VDAC1: variants seen among roughly 807,000 people sequenced by gnomAD.
VDAC1 encodes non-selective voltage-gated ion channel VDAC1.
In VDAC1, 10 loss-of-function variants were observed where a neutral mutation model predicts 34.7. The observed-to-expected ratio is 0.29, with a 90% CI of 0.18 to 0.49. The LOEUF (loss-of-function observed/expected upper bound fraction) is 0.49. VDAC1 is among the 20% of genes least tolerant of loss of function. The pLI, the probability that VDAC1 is intolerant of heterozygous loss-of-function variation, is 0.99. For missense variants in VDAC1, 230 were observed against 347.9 expected (o/e 0.66, Z 2.69); for synonymous variants, 130 against 136.0 (o/e 0.96, Z 0.30).
chr5:134,008,804 G>T (rs943636906), upstream of VDAC1, among the ~76,000 whole-genome samples: 1 of 152,198 alleles, frequency 6.6e-6, no homozygotes, highest in African/African-American at 2.4e-5. Context: ...CTTGTAACCA[G>T]CATCAATTAA....
chr5:134,019,726 A>G, the VDAC1 span, among the ~76,000 whole-genome samples: 2 of 152,138 alleles, frequency 1.3e-5, no homozygotes, highest in Non-Finnish European at 2.9e-5. Flanking sequence ...CCCAACCCCC[A>G]TCACATACGC....
At chr5:134,009,857 T>G (rs1043055038), upstream of VDAC1, among the ~76,000 whole-genome samples, 1 of 151,806 alleles carries the variant, frequency 6.6e-6, no homozygotes, top group Non-Finnish European at 1.5e-5. Context: ...ATTTTTGTAT[T>G]TTTAGTAGAG....
At chr5:133,980,653 A>AAAC (rs1554090879) in intron 6 of VDAC1, 76 bp downstream of exon 6, 968 of 952,568 alleles carry the variant, frequency 1.0e-3, no homozygotes, top group Non-Finnish European at 1.2e-3. Flanking sequence ...AAAAAAAAAA[A>AAAC]CAGTGAAAAG....
At chr5:134,049,663 T>C in the VDAC1 span, among the ~76,000 whole-genome samples, 1 of 152,142 alleles carries the variant, frequency 6.6e-6, no homozygotes, top group African/African-American at 2.4e-5. Flanking sequence ...CACTGCAACC[T>C]CCATCTCTCA....
chr5:134,061,087 A>G, the VDAC1 span, among the ~76,000 whole-genome samples: 2 of 147,670 alleles, frequency 1.4e-5, no homozygotes, highest in Non-Finnish European at 3.0e-5. Flanking sequence ...TTGGTCTCGA[A>G]CTCCTGACCT....
the VDAC1 span, among the ~76,000 whole-genome samples, chr5:134,077,276 C>CAAAAA: frequency 9.9e-6 from 1 of 101,154 alleles, no homozygotes; most frequent in African/African-American, 3.6e-5. Flanking sequence ...GACTCCATCT[C>CAAAAA]AAAAAAAAAA....
At chr5:134,089,854 T>C in the VDAC1 span, among the ~76,000 whole-genome samples, 1 of 152,054 alleles carries the variant, frequency 6.6e-6, no homozygotes, top group Non-Finnish European at 1.5e-5. Context: ...TAGCCAGGCA[T>C]GGTGGCGCAT....
chr5:134,055,755 TTC>T, the VDAC1 span, among the ~76,000 whole-genome samples: 1 of 107,962 alleles, frequency 9.3e-6, no homozygotes, highest in South Asian at 3.1e-4. Context: ...TTGTCTTTTT[TTC>T]TTTAAAAGTA....
At chr5:133,999,446 C>G (rs903937843) in intron 1 of VDAC1, among the ~76,000 whole-genome samples, 24 of 152,222 alleles carry the variant, frequency 1.6e-4, no homozygotes, top group African/African-American at 5.8e-4. Flanking sequence ...CCCTCCAGAT[C>G]CATTCTCCTC....
At chr5:134,065,337 A>ATTTTTTTT in the VDAC1 span, among the ~76,000 whole-genome samples, 2 of 101,386 alleles carry the variant, frequency 2.0e-5, no homozygotes, top group Non-Finnish European at 4.0e-5. Context: ...TTTAATTTTA[A>ATTTTTTTT]TTTTTTTTTT....
the VDAC1 span, among the ~76,000 whole-genome samples, chr5:134,011,117 G>A: frequency 1.3e-5 from 2 of 152,032 alleles, no homozygotes; most frequent in African/African-American, 4.8e-5. Flanking sequence ...TTGGCCACTT[G>A]TATGTCTTCT....
the VDAC1 span, among the ~76,000 whole-genome samples, chr5:134,056,481 C>T: frequency 6.9e-6 from 1 of 145,382 alleles, no homozygotes; most frequent in Non-Finnish European, 1.5e-5. Flanking sequence ...TCTCTGTTGC[C>T]CAGGTTGGAG....
At chr5:134,036,446 C>G in the VDAC1 span, among the ~76,000 whole-genome samples, 1 of 152,042 alleles carries the variant, frequency 6.6e-6, no homozygotes, top group Admixed American at 6.6e-5. Context: ...GGGAACTGTC[C>G]CAGATTGGAA....
At chr5:134,050,749 C>T in the VDAC1 span, among the ~76,000 whole-genome samples, 15 of 152,284 alleles carry the variant, frequency 9.9e-5, no homozygotes, top group South Asian at 2.3e-3. Context: ...ATATTAAAAA[C>T]ATGTCAAATT....
chr5:133,988,784 A>G (rs919443342), intron 5 of VDAC1: 14 of 152,086 alleles, frequency 9.2e-5, no homozygotes, highest in Admixed American at 9.2e-4. Flanking sequence ...AAAAAAAAAA[A>G]AACCAAAAAA....
intron 1 of VDAC1, among the ~76,000 whole-genome samples, chr5:134,001,359 C>G (rs1302568657): frequency 6.6e-6 from 1 of 152,138 alleles, no homozygotes; most frequent in African/African-American, 2.4e-5. Flanking sequence ...GTTGAGCCCC[C>G]AGAAAGGTGC....
At chr5:134,066,192 T>C in the VDAC1 span, among the ~76,000 whole-genome samples, 1 of 151,748 alleles carries the variant, frequency 6.6e-6, no homozygotes, top group Non-Finnish European at 1.5e-5. Flanking sequence ...TTAGTAGAGA[T>C]GGGGTTTCAC....
chr5:134,055,588 G>GTTTTTGGTTTT, the VDAC1 span, among the ~76,000 whole-genome samples: 1 of 59,626 alleles, frequency 1.7e-5, no homozygotes, highest in African/African-American at 7.2e-5. Context: ...CCCCGCTAAT[G>GTTTTTGGTTTT]TTTTTTTTTT....
At chr5:134,039,365 G>A in the VDAC1 span, among the ~76,000 whole-genome samples, 1 of 152,150 alleles carries the variant, frequency 6.6e-6, no homozygotes, top group Non-Finnish European at 1.5e-5. Context: ...GTCTCCCTCT[G>A]TCGCCCAGGC....
Sources: gnomAD v4.1 joint callset for allele counts (sites outside exome capture counted in the v4.1 genomes callset) on GRCh38, gnomAD v4.1.1 for gene constraint, MANE v1.5 for transcripts, NCBI Gene and HGNC (gene_info 2026-07-23, HGNC 2026-07-21) for gene names.